CHRM3: variants seen among roughly 807,000 people sequenced by gnomAD.
The protein encoded by CHRM3 is muscarinic acetylcholine receptor M3.
Under a neutral mutation model 41.8 loss-of-function variants are expected in CHRM3, and 11 were observed. The observed-to-expected ratio is 0.26, with a 90% confidence interval of 0.17 to 0.44. The LOEUF (loss-of-function observed/expected upper bound fraction) is 0.44. CHRM3 is among the 20% of genes least tolerant of loss of function. The probability of loss-of-function intolerance (pLI) is 1.00; values close to 1 mark genes in which losing one functional copy is unlikely to be tolerated. For synonymous variants in CHRM3, 297 were observed against 301.4 expected (o/e 0.99, Z 0.15); for missense variants, 571 against 745.4 (o/e 0.77, Z 2.72).
rs186548473 is a variant in CHRM3 at position 239,752,518 on chromosome 1, T to A, written c.-147+74230T>A. Among the ~76,000 whole-genome samples, 14 of 152,340 alleles carry A rather than the reference T, an allele frequency of 9.2e-5. 1 individual carries two copies. The highest frequency in any genetic ancestry group is 9.2e-4 in the Admixed American group (14 of 15,296). ...TAGCTTGCAATATGGTTTCCAGTTC[T>A]CAATGTTATAGAATTACATAATATT... On this transcript the variant is annotated intron_variant, in intron 5 of 6. Coordinates refer to ENST00000676153, the MANE Select transcript of CHRM3 (RefSeq NM_001375978.1).
chr1:239,583,787 T>C (rs905241181), intron 3 of CHRM3, among the ~76,000 whole-genome samples: 1 of 152,210 alleles, frequency 6.6e-6, no homozygotes, highest in African/African-American at 2.4e-5. Flanking sequence ...ACATTTTTAT[T>C]GTCAGAATAG....
chr1:239,760,405 AG>A (rs962601260), intron 5 of CHRM3, among the ~76,000 whole-genome samples: 39 of 152,168 alleles, frequency 2.6e-4, no homozygotes, highest in African/African-American at 8.4e-4. Flanking sequence ...AGTTTATTGT[AG>A]CACGGCAGTC....
At chr1:239,766,924 C>G (rs1000060824) in intron 5 of CHRM3, among the ~76,000 whole-genome samples, 2 of 152,130 alleles carry the variant, frequency 1.3e-5, no homozygotes, top group Admixed American at 1.3e-4. Flanking sequence ...TTTGGCCAGG[C>G]TGGTCTCGAA....
chr1:239,679,130 T>G (rs1658311036), intron 5 of CHRM3, among the ~76,000 whole-genome samples: 1 of 152,184 alleles, frequency 6.6e-6, no homozygotes, highest in Non-Finnish European at 1.5e-5. Flanking sequence ...TAGTATGCAA[T>G]GACTAAGGGA....
At chr1:239,426,242 G>T (rs1326493133) in intron 1 of CHRM3, among the ~76,000 whole-genome samples, 1 of 146,300 alleles carries the variant, frequency 6.8e-6, no homozygotes, top group African/African-American at 2.5e-5. Context: ...TACACTGTTC[G>T]TGGGACTGTA....
At chr1:239,788,524 G>C (rs1330676512) in intron 5 of CHRM3, among the ~76,000 whole-genome samples, 1 of 152,134 alleles carries the variant, frequency 6.6e-6, no homozygotes, top group East Asian at 1.9e-4. Flanking sequence ...CCAGCACTTT[G>C]AGAGGCTGAG....
chr1:239,579,910 G>A (rs976483730), intron 3 of CHRM3, among the ~76,000 whole-genome samples: 3 of 152,036 alleles, frequency 2.0e-5, no homozygotes, highest in African/African-American at 7.2e-5. Flanking sequence ...AGAACTCGAG[G>A]CACAGCAAAC....
intron 6 of CHRM3, among the ~76,000 whole-genome samples, chr1:239,862,999 G>A (rs1246391368): frequency 2.6e-5 from 4 of 152,142 alleles, no homozygotes; most frequent in Non-Finnish European, 5.9e-5. Flanking sequence ...TACAGAATCT[G>A]TTTCCTTAAA....
chr1:239,578,620 C>T (rs1036681049), intron 3 of CHRM3, among the ~76,000 whole-genome samples: 6 of 152,214 alleles, frequency 3.9e-5, no homozygotes, highest in Non-Finnish European at 7.4e-5. Flanking sequence ...CTAACTTGCC[C>T]GAGTGTATAG....
intron 5 of CHRM3, among the ~76,000 whole-genome samples, chr1:239,826,688 C>A (rs1672490274): frequency 6.6e-6 from 1 of 151,968 alleles, no homozygotes; most frequent in Non-Finnish European, 1.5e-5. Context: ...AGGGTAGAAG[C>A]AAACACGATC....
Position 239,878,875 on chromosome 1 carries a change from C to G in CHRM3, c.-19-28558C>G, listed in dbSNP as rs571244679. ...CTAGATGGGACACCCCTAATTCAGC[C>G]TGAGGAGGAAGGGCTCCAGCAGCAT... is the stretch of plus-strand genomic sequence containing the variant. On this transcript the variant is annotated intron_variant, in intron 6 of 6. Transcript: ENST00000676153. 6.1e-4 allele frequency among the ~76,000 whole-genome samples: 93 copies of G among 152,238 alleles called. 1 individual carries two copies. In the Middle Eastern group the frequency reaches 0.017, roughly 28 times the overall value.
intron 3 of CHRM3, among the ~76,000 whole-genome samples, chr1:239,567,517 T>A (rs1205628760): frequency 6.6e-6 from 1 of 152,234 alleles, no homozygotes; most frequent in African/African-American, 2.4e-5. Flanking sequence ...ACATTTATTT[T>A]GACTGTAACC....
intron 4 of CHRM3, among the ~76,000 whole-genome samples, chr1:239,640,482 G>T (rs530910835): frequency 3.3e-5 from 5 of 152,122 alleles, no homozygotes; most frequent in African/African-American, 1.2e-4. Flanking sequence ...CTTCTTCGTG[G>T]TTTAGTCTTG....
chr1:239,400,043 C>G (rs1038140236), intron 1 of CHRM3, among the ~76,000 whole-genome samples: 3 of 152,108 alleles, frequency 2.0e-5, no homozygotes, highest in African/African-American at 4.8e-5. Context: ...TCCCAAGTAG[C>G]TGGGATTACA....
chr1:239,873,132 C>A (rs1676733641), intron 6 of CHRM3, among the ~76,000 whole-genome samples: 1 of 151,912 alleles, frequency 6.6e-6, no homozygotes, highest in South Asian at 2.1e-4. Flanking sequence ...CTGAACACAC[C>A]CAGGGCATTT....
At chr1:239,619,071 T>C (rs1288967143) in intron 3 of CHRM3, among the ~76,000 whole-genome samples, 3 of 151,292 alleles carry the variant, frequency 2.0e-5, no homozygotes, top group Admixed American at 1.3e-4. Flanking sequence ...CCTGCCACCA[T>C]GCCCAGCTAA....
chr1:239,443,925 T>C (rs1663926453), intron 1 of CHRM3, among the ~76,000 whole-genome samples: 1 of 152,218 alleles, frequency 6.6e-6, no homozygotes, highest in South Asian at 2.1e-4. Flanking sequence ...TTTGGCTCTT[T>C]TGTGTGAAAT....
chr1:239,582,431 C>T (rs1558338634), intron 3 of CHRM3, among the ~76,000 whole-genome samples: 1 of 152,082 alleles, frequency 6.6e-6, no homozygotes. Flanking sequence ...ACTGTGCACT[C>T]AGGGGTTACA....
At position 239,454,298 on chromosome 1, in the gene CHRM3, CT is replaced by C. The variant is rs1190829278; in HGVS notation, c.-520-38410del. On this transcript the variant is annotated intron_variant, in intron 1 of 6. Transcript: ENST00000676153. Reference sequence around the variant, plus strand: ...TTATTTGCTAGATTGGCTCATTGGACTCCTGGAAGTGCTTTGCTTATGCTTA... The same window carrying C: ...TTATTTGCTAGATTGGCTCATTGGACCCTGGAAGTGCTTTGCTTATGCTTA... Among the ~76,000 whole-genome samples the C allele has an allele frequency of 2.6e-5, 4 of 152,190 alleles. No individual in the cohort carries two copies. The East Asian group carries it at 7.7e-4, about 29-fold the overall frequency.
Sources: gnomAD v4.1 joint callset for allele counts (sites outside exome capture counted in the v4.1 genomes callset) on GRCh38, gnomAD v4.1.1 for gene constraint, MANE v1.5 for transcripts, NCBI Gene and HGNC (gene_info 2026-07-23, HGNC 2026-07-21) for gene names.